ARHGEF11: variants seen among roughly 807,000 people sequenced by gnomAD.
The protein encoded by ARHGEF11 is Rho guanine nucleotide exchange factor 11, also known as Rho guanine exchange factor (GEF) 11.
Under a neutral mutation model 193.7 loss-of-function variants are expected in ARHGEF11, and 55 were observed. That is an observed-to-expected ratio of 0.28 (90% CI 0.23 to 0.36). ARHGEF11 has a LOEUF of 0.36. ARHGEF11 is among the 10% of genes least tolerant of loss of function. The pLI is 1.00. For missense variants in ARHGEF11, 1,723 were observed against 2,005.6 expected (o/e 0.86, Z 2.69); for synonymous variants, 693 against 768.0 (o/e 0.90, Z 1.62).
At chr1:156,951,844 C>T (rs1364336745) in intron 21 of ARHGEF11, 145 bp from the exon 22 acceptor site, 9 of 1,065,628 alleles carry the variant, frequency 8.4e-6, no homozygotes, top group East Asian at 2.4e-5. Context: ...GAGATGTGTT[C>T]TGGTCCTGGC....
At chr1:157,033,940 C>T (rs186716163) in intron 1 of ARHGEF11, among the ~76,000 whole-genome samples, 2 of 152,304 alleles carry the variant, frequency 1.3e-5, no homozygotes, top group East Asian at 1.9e-4. Flanking sequence ...TTCTGTCTCC[C>T]TCCACAAAAC....
At chr1:157,021,863 G>C (rs1375654553) in intron 1 of ARHGEF11, among the ~76,000 whole-genome samples, 1 of 152,164 alleles carries the variant, frequency 6.6e-6, no homozygotes, top group African/African-American at 2.4e-5. Context: ...GACCAAGTGG[G>C]ATTTATCCCA....
intron 1 of ARHGEF11, among the ~76,000 whole-genome samples, chr1:156,987,789 C>T (rs1387274221): frequency 1.3e-5 from 2 of 151,942 alleles, no homozygotes; most frequent in East Asian, 3.9e-4. Context: ...AGAGCGTGGG[C>T]CCAGGAGAGA....
intron 26 of ARHGEF11, 71 bp from the exon 27 acceptor site, chr1:156,947,086 G>A (rs1658279085): frequency 1.3e-6 from 2 of 1,566,762 alleles, no homozygotes; most frequent in Admixed American, 3.3e-5. Flanking sequence ...CTGACAGAGA[G>A]AAGTGAATCT....
intron 11 of ARHGEF11, among the ~76,000 whole-genome samples, chr1:156,967,301 C>T (rs895543565): frequency 6.6e-6 from 1 of 152,192 alleles, no homozygotes; most frequent in Non-Finnish European, 1.5e-5. Flanking sequence ...TGTCTAACAA[C>T]GTCTGAACGT....
intron 1 of ARHGEF11, among the ~76,000 whole-genome samples, chr1:157,011,875 CT>C (rs1306545412): frequency 6.6e-6 from 1 of 152,112 alleles, no homozygotes; most frequent in African/African-American, 2.4e-5. Flanking sequence ...TAATACATTG[CT>C]GGTGGGAATG....
chr1:156,967,536 G>A (rs983728261), intron 11 of ARHGEF11, among the ~76,000 whole-genome samples: 1 of 152,132 alleles, frequency 6.6e-6, no homozygotes, highest in African/African-American at 2.4e-5. Flanking sequence ...GAGGGCAGGG[G>A]GAGGTTGATC....
In ARHGEF11 at chr1:156,963,142, T is replaced by C. The variant is rs550365083; in HGVS notation, c.1140+61A>G. The C allele has an allele frequency of 5.7e-4, 752 of 1,323,284 alleles. 2 individuals carry two copies. Among genetic ancestry groups the C allele is most frequent in the South Asian group, 1.1e-3 (92 of 82,868 alleles). The allele number at this position is 1,323,284 out of a possible 1,614,324, so 82.0% of individuals were successfully genotyped here. ...ACAGCCAGGGAGCAGAAACAGAGGC[T>C]AGAGGTCCTCTCTGCCCAGTACCAG... On this transcript the variant is annotated intron_variant, in intron 13 of 40. Transcript: ENST00000368194.
At chr1:156,967,724 A>G (rs1483475140) in intron 11 of ARHGEF11, among the ~76,000 whole-genome samples, 1 of 152,208 alleles carries the variant, frequency 6.6e-6, no homozygotes, top group East Asian at 1.9e-4. Flanking sequence ...AAGACCAGCT[A>G]TCCGCTCCTT....
At chr1:157,017,820 C>A (rs1171685187) in intron 1 of ARHGEF11, among the ~76,000 whole-genome samples, 1 of 151,080 alleles carries the variant, frequency 6.6e-6, no homozygotes, top group Non-Finnish European at 1.5e-5. Flanking sequence ...CTCCAAAGGT[C>A]TACCAAGAAG....
At chr1:156,941,254 T>A (rs750691728) in intron 35 of ARHGEF11, 118 bp downstream of exon 35, 6 of 908,788 alleles carry the variant, frequency 6.6e-6, no homozygotes, top group Admixed American at 1.9e-5. Context: ...CTACTCTTTA[T>A]CAAAACCTCA....
At chr1:156,996,857 C>T (rs1020439905) in intron 1 of ARHGEF11, among the ~76,000 whole-genome samples, 4 of 107,768 alleles carry the variant, frequency 3.7e-5, no homozygotes, top group South Asian at 3.3e-4. Context: ...ACCTCTCTCT[C>T]TATTTTTTTT....
At chr1:156,963,639 C>G in intron 11 of ARHGEF11, 45 bp from the exon 12 acceptor site, 1 of 1,598,994 alleles carries the variant, frequency 6.3e-7, no homozygotes, top group Non-Finnish European at 8.5e-7. Context: ...TTATAGAGGA[C>G]AGAGGATTCA....
Position 156,937,495 on chromosome 1 carries a change from C to T in ARHGEF11, c.4194G>A (p.Gly1398=), listed in dbSNP as rs1655713769. The T allele has an allele frequency of 6.6e-7, 1 of 1,518,424 alleles. No individual in the cohort carries two copies. Among genetic ancestry groups the T allele is most frequent in the African/African-American group, 1.4e-5 (1 of 71,450 alleles). 94.1% of individuals were successfully genotyped at this position (1,518,424 alleles called of 1,614,324 possible). A position where few individuals can be genotyped will look rare whatever the true frequency, so the allele number is the denominator to read the frequency against. The change falls in exon 39 of 41, where the codon GGG becomes GGA. Residue 1398 remains glycine, a splice_region_variant and synonymous_variant. Transcript: ENST00000368194. ...ATGGCATGCTGACATAAAAGCAGTT[C>T]CCTGTCCCCACAGTAAGAGAATGAG... ...PEVEGGTKAT[G]NCFYVSMPSG...
At chr1:156,969,210 C>T in intron 10 of ARHGEF11, 72 bp downstream of exon 10, 1 of 1,260,356 alleles carries the variant, frequency 7.9e-7, no homozygotes, top group South Asian at 1.3e-5. Flanking sequence ...AGCTGGTAGG[C>T]AGCAGAACTT....
chr1:157,005,362 T>C (rs1667701071), intron 1 of ARHGEF11, among the ~76,000 whole-genome samples: 1 of 152,184 alleles, frequency 6.6e-6, no homozygotes, highest in Non-Finnish European at 1.5e-5. Context: ...TCTAGGGACT[T>C]TCAGGAGGTG....
intron 28 of ARHGEF11, 127 bp downstream of exon 28, chr1:156,946,535 G>A: frequency 2.3e-6 from 3 of 1,314,088 alleles, no homozygotes; most frequent in Non-Finnish European, 3.2e-6. Flanking sequence ...CTTTTGAGGA[G>A]CGTGTGTCGA....
intron 6 of ARHGEF11, 135 bp from the exon 7 acceptor site, chr1:156,977,189 T>C: frequency 1.3e-6 from 1 of 758,250 alleles, no homozygotes; most frequent in South Asian, 1.6e-5. Context: ...ATTCAGTACC[T>C]TGCCGGAATG....
At chr1:157,030,388 A>C (rs1432120041) in intron 1 of ARHGEF11, among the ~76,000 whole-genome samples, 2 of 152,076 alleles carry the variant, frequency 1.3e-5, no homozygotes, top group Admixed American at 1.3e-4. Flanking sequence ...CCCACCATTA[A>C]CCAATGAGGA....
Sources: allele counts gnomAD v4.1 joint callset (sites outside exome capture counted in the v4.1 genomes callset), GRCh38; gene constraint gnomAD v4.1.1; transcripts MANE v1.5; gene names NCBI Gene and HGNC (gene_info 2026-07-23, HGNC 2026-07-21).